The following CPM variants were observed in gnomAD, a reference collection of about 807,000 sequenced individuals.
The protein encoded by CPM is carboxypeptidase M.
A neutral mutation model predicts 46.4 loss-of-function variants in CPM; 35 were observed. That is an observed-to-expected ratio of 0.75 (90% CI 0.58 to 1.00). The LOEUF (loss-of-function observed/expected upper bound fraction) is 1.00. CPM is among the 50% of genes least tolerant of loss of function. The pLI is 0.00. For synonymous variants in CPM, 195 were observed against 195.3 expected (o/e 1.00, Z 0.01); for missense variants, 422 against 530.4 (o/e 0.80, Z 2.01).
upstream of CPM, among the ~76,000 whole-genome samples, chr12:68,937,676 A>G (rs191807960): frequency 2.4e-4 from 37 of 152,074 alleles, no homozygotes; most frequent in Admixed American, 5.2e-4. Flanking sequence ...TAGATAAAGC[A>G]AACAAAAAAA....
At chr12:68,922,847 A>G (rs1210963974) in intron 2 of CPM, among the ~76,000 whole-genome samples, 2 of 152,230 alleles carry the variant, frequency 1.3e-5, no homozygotes, top group African/African-American at 2.4e-5. Flanking sequence ...ACTACTATAC[A>G]GTATTACATT....
At chr12:68,915,496 G>GT (rs1390193003) in intron 2 of CPM, among the ~76,000 whole-genome samples, 1 of 152,138 alleles carries the variant, frequency 6.6e-6, no homozygotes, top group Non-Finnish European at 1.5e-5. Flanking sequence ...TCTCTGCCTG[G>GT]TAATATCCAA....
chr12:68,856,069 G>A lies in CPM; in HGVS notation c.*368C>T, dbSNP rs141805531. On this transcript the variant is annotated 3_prime_UTR_variant, in exon 9 of 9. Coordinates refer to ENST00000551568, the MANE Select transcript of CPM (RefSeq NM_198320.5). The stretch of plus-strand genomic sequence containing the variant: ...TCTTGTATGTAGAAGATCAATAAAT[G>A]TTCATCTTCATTGCTTATATTCATC... 1.0e-3 allele frequency: 222 copies of A among 216,002 alleles called. No individual in the cohort carries two copies. Among genetic ancestry groups the A allele is most frequent in the Admixed American group, 3.2e-3 (62 of 19,214 alleles). 13.4% of individuals were successfully genotyped at this position (216,002 alleles called of 1,614,324 possible).
intron 1 of CPM, among the ~76,000 whole-genome samples, chr12:68,949,385 A>G (rs533626924): frequency 6.6e-6 from 1 of 152,256 alleles, no homozygotes; most frequent in African/African-American, 2.4e-5. Context: ...ATAAGTAAAT[A>G]AATTAAAAAG....
intron 6 of CPM, among the ~76,000 whole-genome samples, chr12:68,869,061 C>T (rs995628687): frequency 1.3e-5 from 2 of 152,158 alleles, no homozygotes; most frequent in Admixed American, 6.6e-5. Flanking sequence ...GTGTCTTGTT[C>T]ATCTTTCAGT....
In CPM at chr12:68,859,682, T is replaced by C. The variant is rs1432834737; in HGVS notation, c.941-611A>G. ...ATCAGCTCTGTGTCATCAATTATTA[T>C]CATGATTTTACAGATGAAAAAAACT... On this transcript the variant is annotated intron_variant, in intron 7 of 8. Coordinates refer to ENST00000551568, the MANE Select transcript of CPM (RefSeq NM_198320.5). Among the ~76,000 whole-genome samples, 5 of 152,252 alleles carry C rather than the reference T, an allele frequency of 3.3e-5. No homozygotes were observed. The East Asian group carries it at 9.6e-4, about 29-fold the overall frequency.
At chr12:68,955,404 C>T (rs2136337524) in intron 1 of CPM, among the ~76,000 whole-genome samples, 1 of 152,282 alleles carries the variant, frequency 6.6e-6, no homozygotes, top group Non-Finnish European at 1.5e-5. Context: ...CCGTGGGTGT[C>T]ACAGCCCTGG....
At position 68,851,776 on chromosome 12, in the gene CPM, C is replaced by T. The variant is rs1456302056; in HGVS notation, c.*4661G>A. On this transcript the variant is annotated 3_prime_UTR_variant, in exon 9 of 9. Coordinates refer to ENST00000551568, the MANE Select transcript of CPM (RefSeq NM_198320.5). ...AGTTGATATAATGTAAAGTCTATAA[C>T]AAACCCAAACTTCTACTTTAGCTAC... 1 of 152,128 alleles carries T rather than the reference C, an allele frequency of 6.6e-6. No individual in the cohort carries two copies. The highest frequency in any genetic ancestry group is 1.5e-5 in the Non-Finnish European group (1 of 68,024). The allele number at this position is 152,128 out of a possible 1,614,324, so 9.4% of individuals were successfully genotyped here.
intron 1 of CPM, among the ~76,000 whole-genome samples, chr12:68,941,763 G>A (rs781279872): frequency 2.0e-5 from 3 of 152,126 alleles, no homozygotes; most frequent in African/African-American, 4.8e-5. Flanking sequence ...CTTAAGCTGG[G>A]ATCTCCTGGT....
intron 2 of CPM, among the ~76,000 whole-genome samples, chr12:68,908,612 G>A (rs1350331565): frequency 1.3e-5 from 2 of 151,904 alleles, no homozygotes; most frequent in African/African-American, 4.8e-5. Context: ...CATACCACTC[G>A]ATTCCCAAAA....
At chr12:68,929,821 G>A (rs537853471) in intron 2 of CPM, among the ~76,000 whole-genome samples, 13 of 152,068 alleles carry the variant, frequency 8.5e-5, no homozygotes, top group African/African-American at 2.2e-4. Flanking sequence ...CACATCTACC[G>A]ACTTTGTCAA....
chr12:68,957,514 C>A, intron 1 of CPM: 1 of 222,560 alleles, frequency 4.5e-6, no homozygotes, highest in South Asian at 7.6e-5. Flanking sequence ...GAAATCTTGC[C>A]TTTTTCAATG....
chr12:68,894,375 G>A lies in CPM; in HGVS notation c.161-8486C>T, dbSNP rs117082062. On this transcript the variant is annotated intron_variant, in intron 2 of 8. Transcript: ENST00000551568. ...ATTATTGGTGTATCTCCAGGACTGC[G>A]TTTTCTTGATAAATATTGGCACATA... Among the ~76,000 whole-genome samples, 738 of 152,176 alleles carry A rather than the reference G, an allele frequency of 4.8e-3. 3 individuals carry two copies. The highest frequency in any genetic ancestry group is 8.0e-3 in the Admixed American group (122 of 15,280).
chr12:68,867,319 T>C (rs1885498988), intron 6 of CPM, among the ~76,000 whole-genome samples: 1 of 152,240 alleles, frequency 6.6e-6, no homozygotes, highest in Non-Finnish European at 1.5e-5. Flanking sequence ...GGTCCTTTTT[T>C]GTTTTTATTT....
At chr12:68,848,182 A>AT (rs1172479710), downstream of CPM, 6 of 152,126 alleles carry the variant, frequency 3.9e-5, no homozygotes, top group Admixed American at 2.0e-4. Flanking sequence ...ACTGATTGTG[A>AT]TTTTTTGTTT....
intron 2 of CPM, among the ~76,000 whole-genome samples, chr12:68,906,681 G>A (rs968821658): frequency 6.6e-6 from 1 of 152,008 alleles, no homozygotes; most frequent in Non-Finnish European, 1.5e-5. Context: ...TAGTAGAGAC[G>A]GGTTTTCACC....
At chr12:68,879,236 T>G (rs921142913) in intron 3 of CPM, among the ~76,000 whole-genome samples, 1 of 152,202 alleles carries the variant, frequency 6.6e-6, no homozygotes, top group East Asian at 1.9e-4. Context: ...ACAAGCATAT[T>G]CAATAGTTAC....
intron 4 of CPM, among the ~76,000 whole-genome samples, chr12:68,871,252 T>C (rs1885680817): frequency 6.6e-6 from 1 of 152,186 alleles, no homozygotes; most frequent in African/African-American, 2.4e-5. Flanking sequence ...GCACTGCGGA[T>C]CTAACAACGA....
At chr12:68,959,739 A>T (rs927902586) in intron 1 of CPM, among the ~76,000 whole-genome samples, 4 of 152,214 alleles carry the variant, frequency 2.6e-5, no homozygotes, top group Non-Finnish European at 5.9e-5. Flanking sequence ...TGCCTTAGGA[A>T]TAAGGAAGAA....
Sources: allele counts gnomAD v4.1 joint callset (sites outside exome capture counted in the v4.1 genomes callset), GRCh38; gene constraint gnomAD v4.1.1; transcripts MANE v1.5; gene names NCBI Gene and HGNC (gene_info 2026-07-23, HGNC 2026-07-21).